The following PHF20 variants were observed in gnomAD, a reference collection of about 807,000 sequenced individuals.
The protein encoded by PHF20 is PHD finger protein 20, also known as glioma-expressed antigen 2.
Under a neutral mutation model 113.5 loss-of-function variants are expected in PHF20, and 23 were observed. The ratio of observed to expected loss-of-function variants is 0.20; its 90% CI spans 0.15 to 0.29. The LOEUF (loss-of-function observed/expected upper bound fraction) is 0.29, where lower values mean the gene tolerates loss of function less well. Among genes scored for constraint, PHF20 ranks in the 10% least tolerant of loss-of-function variants. PHF20 has a pLI of 1.00. For missense variants in PHF20, 943 were observed against 1,219.6 expected (o/e 0.77, Z 3.38); for synonymous variants, 434 against 457.3 (o/e 0.95, Z 0.65).
Position 35,899,457 on chromosome 20 carries a change from T to C in PHF20, c.1370T>C (p.Val457Ala). ...GACCATAAGTTTAGATGCAAAGTTG[T>C]GGACTGTTTAAAATTTTTCCGCAAA... Reference protein sequence around the residue: ...DLDHKFRCKVVDCLKFFRKAK... With the variant: ...DLDHKFRCKVADCLKFFRKAK... The change falls in exon 10 of 18, where the codon GTG (valine) becomes GCG (alanine). Residue 457 changes from valine (V) to alanine (A), a missense_variant. Transcript: ENST00000374012. 1 of 1,614,180 alleles carries C rather than the reference T, an allele frequency of 6.2e-7. No homozygotes were observed. The highest frequency in any genetic ancestry group is 8.5e-7 in the Non-Finnish European group (1 of 1,180,002).
At chr20:35,781,589 C>G (rs1386763488) in intron 1 of PHF20, among the ~76,000 whole-genome samples, 1 of 152,090 alleles carries the variant, frequency 6.6e-6, no homozygotes, top group African/African-American at 2.4e-5. Flanking sequence ...AGTTATATAG[C>G]TTACTGGTAT....
chr20:35,873,355 C>A lies in PHF20; in HGVS notation c.1282+1526C>A, dbSNP rs142474506. ...ACCACAGGTGATCTGCCCACCTCGG[C>A]CTCCCAAAGTGCTAGGATTACAGGT... is the stretch of plus-strand genomic sequence containing the variant. On this transcript the variant is annotated intron_variant, in intron 9 of 17. Transcript: ENST00000374012. Among the ~76,000 whole-genome samples, 58 of 152,098 alleles carry A rather than the reference C, an allele frequency of 3.8e-4. No individual in the cohort carries two copies. The East Asian group carries it at 9.5e-3, about 25-fold the overall frequency.
At chr20:35,851,821 A>G (rs1057417092) in intron 4 of PHF20, among the ~76,000 whole-genome samples, 6 of 152,038 alleles carry the variant, frequency 3.9e-5, no homozygotes, top group African/African-American at 1.4e-4. Flanking sequence ...AGGCTGAGAC[A>G]GAAGAATCGC....
intron 13 of PHF20, among the ~76,000 whole-genome samples, chr20:35,921,906 CCCT>C (rs1378384386): frequency 6.6e-6 from 1 of 152,100 alleles, no homozygotes. Flanking sequence ...TAATGAATGT[CCCT>C]CCTGGCAGGG....
chr20:35,857,525 T>A (rs2042853671), intron 4 of PHF20, among the ~76,000 whole-genome samples: 1 of 148,162 alleles, frequency 6.7e-6, no homozygotes, highest in Admixed American at 6.7e-5. Context: ...ATAGAACACA[T>A]CTCTTGAAAC....
At chr20:35,780,480 C>T (rs999415156) in intron 1 of PHF20, among the ~76,000 whole-genome samples, 1 of 151,794 alleles carries the variant, frequency 6.6e-6, no homozygotes, top group Non-Finnish European at 1.5e-5. Flanking sequence ...TCCGCCTCGG[C>T]CTCCCAAAGT....
chr20:35,821,426 ACT>A, intron 2 of PHF20, among the ~76,000 whole-genome samples: 1 of 147,300 alleles, frequency 6.8e-6, no homozygotes, highest in South Asian at 2.2e-4. Context: ...CAAGAGCGAA[ACT>A]CTGTCAAAAA....
At chr20:35,871,965 T>C in intron 9 of PHF20, 136 bp downstream of exon 9, 1 of 550,188 alleles carries the variant, frequency 1.8e-6, no homozygotes, top group East Asian at 3.1e-5. Flanking sequence ...TTTAATGTTA[T>C]GCTCCTTTCA....
intron 4 of PHF20, chr20:35,856,491 G>A (rs2042829945): frequency 6.6e-6 from 1 of 152,186 alleles, no homozygotes; most frequent in African/African-American, 2.4e-5. Flanking sequence ...CTGCTGCTGT[G>A]GGACCACACT....
At chr20:35,863,458 T>C in intron 6 of PHF20, 58 bp downstream of exon 6, 1 of 1,460,756 alleles carries the variant, frequency 6.8e-7, no homozygotes, top group Non-Finnish European at 9.2e-7. Context: ...TCTGTGGCCC[T>C]TTGTGGTTCT....
At chr20:35,934,237 G>A (rs1186594787) in intron 15 of PHF20, among the ~76,000 whole-genome samples, 1 of 152,200 alleles carries the variant, frequency 6.6e-6, no homozygotes, top group Non-Finnish European at 1.5e-5. Context: ...GGCACACAGA[G>A]GCCTGGCTTC....
At chr20:35,780,135 T>A (rs189030509) in intron 1 of PHF20, among the ~76,000 whole-genome samples, 2 of 152,228 alleles carry the variant, frequency 1.3e-5, no homozygotes, top group Non-Finnish European at 2.9e-5. Flanking sequence ...CCCTAGAAAT[T>A]TGAGTAAGTC....
At position 35,950,233 on chromosome 20, in the gene PHF20, T is replaced by A. The variant is rs2056155970; in HGVS notation, c.*2606T>A. ...GATCCTTGATGAGCCAACATTGCACTGTGGATACATATCTATGTTTACGCG... is the reference window on the plus strand; with the variant it reads ...GATCCTTGATGAGCCAACATTGCACAGTGGATACATATCTATGTTTACGCG... On this transcript the variant is annotated 3_prime_UTR_variant, in exon 18 of 18. Transcript: ENST00000374012. 1 of 152,670 alleles carries A rather than the reference T, an allele frequency of 6.6e-6. No individual in the cohort carries two copies. Among genetic ancestry groups the A allele is most frequent in the Non-Finnish European group, 1.5e-5 (1 of 68,040 alleles). The allele number at this position is 152,670 out of a possible 1,614,324, so 9.5% of individuals were successfully genotyped here. A position where few individuals can be genotyped will look rare whatever the true frequency, so the allele number is the denominator to read the frequency against.
At chr20:35,869,647 A>G in intron 7 of PHF20, 96 bp downstream of exon 7, 2 of 741,594 alleles carry the variant, frequency 2.7e-6, no homozygotes, top group East Asian at 2.5e-5. Context: ...TATAGGCTCT[A>G]ATGTTTGTCT....
At chr20:35,868,595 G>C (rs1055154776) in intron 6 of PHF20, among the ~76,000 whole-genome samples, 1 of 151,694 alleles carries the variant, frequency 6.6e-6, no homozygotes, top group African/African-American at 2.4e-5. Context: ...AACAGACCCA[G>C]ACTTCATCTC....
At chr20:35,789,538 C>A (rs6142445) in intron 1 of PHF20, among the ~76,000 whole-genome samples, 1 of 152,052 alleles carries the variant, frequency 6.6e-6, no homozygotes, top group African/African-American at 2.4e-5. Context: ...AGTAATAACC[C>A]TTTTTTCTTT....
Position 35,871,728 on chromosome 20 carries a change from C to T in PHF20, c.1181C>T (p.Ala394Val). Residue 394 changes from alanine to valine, a missense_variant, in exon 9 of 18, where the codon GCT (alanine) becomes GTT (valine). Ala to Val is a moderately conservative substitution (Grantham distance 64, BLOSUM62 0). Around this residue, in one of 3 missense-constraint regions of PHF20, gnomAD observed 592 missense variants for 787.2 expected, o/e 0.75. Coordinates refer to ENST00000374012, the MANE Select transcript of PHF20 (RefSeq NM_016436.5). ...CACTCCTTTGGGGATGGATCCGGGGCTGCAGGCTTGGAGTTGAACTGCCCA... is the reference window on the plus strand; with the variant it reads ...CACTCCTTTGGGGATGGATCCGGGGTTGCAGGCTTGGAGTTGAACTGCCCA... ...TCHSFGDGSG[A>V]AGLELNCPSM... is the part of the protein sequence containing the mutation. The T allele has an allele frequency of 6.2e-7, 1 of 1,613,970 alleles. No homozygotes were observed. Among genetic ancestry groups the T allele is most frequent in the South Asian group, 1.1e-5 (1 of 91,076 alleles).
intron 1 of PHF20, among the ~76,000 whole-genome samples, chr20:35,797,226 A>G (rs2041683742): frequency 6.6e-6 from 1 of 151,696 alleles, no homozygotes; most frequent in Non-Finnish European, 1.5e-5. Context: ...TAAAAGAAAA[A>G]AATGGGCCGG....
At chr20:35,901,111 G>C (rs1317066964) in intron 10 of PHF20, among the ~76,000 whole-genome samples, 1 of 151,980 alleles carries the variant, frequency 6.6e-6, no homozygotes, top group East Asian at 1.9e-4. Flanking sequence ...ACTTTTCTGT[G>C]TATGTTTTAT....
Sources: allele counts gnomAD v4.1 joint callset (sites outside exome capture counted in the v4.1 genomes callset), GRCh38; gene constraint gnomAD v4.1.1; regional missense constraint gnomAD v4.1.1; transcripts MANE v1.5; gene names NCBI Gene and HGNC (gene_info 2026-07-23, HGNC 2026-07-21).